Variants in SSR3 observed in about 807,000 individuals in gnomAD.
The protein encoded by SSR3 is translocon-associated protein subunit gamma.
SSR3 carries 10 observed loss-of-function variants against 22.1 expected under a neutral mutation model. That is an observed-to-expected ratio of 0.45 (90% confidence interval 0.28 to 0.77). The LOEUF (loss-of-function observed/expected upper bound fraction) is 0.77. Among genes scored for constraint, SSR3 ranks in the 30% least tolerant of loss-of-function variants. The pLI is 0.13. For missense variants in SSR3, 181 were observed against 220.5 expected, an observed-to-expected ratio of 0.82 and a Z score of 1.13; for synonymous variants, 104 against 82.5, an observed-to-expected ratio of 1.26 and a Z score of -1.42.
At chr3:156,553,828 T>G (rs985744514) in intron 1 of SSR3, 47 bp from the exon 2 acceptor site, 1 of 1,554,950 alleles carries the variant, frequency 6.4e-7, no homozygotes, top group South Asian at 1.2e-5. Flanking sequence ...AGCAAAACAT[T>G]ACAACCCCGC....
intron 2 of SSR3, among the ~76,000 whole-genome samples, chr3:156,550,599 CAACTAA>C (rs138494825): frequency 0.014 from 2,080 of 152,306 alleles, 52 homozygotes; most frequent in East Asian, 0.12. Flanking sequence ...AGCACTTAGT[CAACTAA>C]GATAACCCAT....
chr3:156,545,482 G>A (rs1719727532), intron 3 of SSR3, among the ~76,000 whole-genome samples: 2 of 152,206 alleles, frequency 1.3e-5, no homozygotes. Flanking sequence ...TCTGGAGTCA[G>A]ATGACACATC....
In SSR3 at chr3:156,543,164, A is replaced by G. The variant is rs1246121758; in HGVS notation, c.*39T>C. ...GCTACTTTTCCATATACCACAGGCCACCCATAGACACAAAGCCAGGGGGTG... is the reference window on the plus strand; with the variant it reads ...GCTACTTTTCCATATACCACAGGCCGCCCATAGACACAAAGCCAGGGGGTG... On this transcript the variant is annotated 3_prime_UTR_variant, in exon 5 of 5. Coordinates refer to ENST00000265044, the MANE Select transcript of SSR3 (RefSeq NM_007107.5). 5 of 1,592,178 alleles carry G rather than the reference A, an allele frequency of 3.1e-6. No homozygotes were observed. The Admixed American group carries it at 5.1e-5, about 16-fold the overall frequency.
intron 2 of SSR3, 108 bp downstream of exon 2, chr3:156,553,541 AATATAT>A: frequency 9.5e-7 from 1 of 1,057,534 alleles, no homozygotes; most frequent in South Asian, 2.0e-5. Context: ...AATGTTTATT[AATATAT>A]ATATCTCAAA....
chr3:156,548,518 T>G (rs1719840002), intron 3 of SSR3, among the ~76,000 whole-genome samples: 1 of 152,170 alleles, frequency 6.6e-6, no homozygotes, highest in African/African-American at 2.4e-5. Flanking sequence ...CCTCCTCAAT[T>G]CCAGCAGACA....
chr3:156,551,571 G>A (rs1283126674), intron 2 of SSR3: 1 of 152,212 alleles, frequency 6.6e-6, no homozygotes, highest in African/African-American at 2.4e-5. Flanking sequence ...CATCAGAACA[G>A]CAGCCACGAA....
chr3:156,544,390 A>C lies in SSR3; in HGVS notation c.409T>G (p.Ser137Ala), dbSNP rs149167845. The C allele has an allele frequency of 6.9e-5, 110 of 1,595,730 alleles. No individual in the cohort carries two copies. The highest frequency in any genetic ancestry group is 9.0e-5 in the Non-Finnish European group (106 of 1,171,308). Residue 137 changes from serine (S) to alanine (A), a missense_variant, in exon 4 of 5, where the codon TCC (serine) becomes GCC (alanine). Transcript: ENST00000265044. ...EVADYEATTF[S>A]IFYNNTLFLV... ...AACAGAGTGTTGTTATAGAAGATGG[A>C]AAATGTTGTAGCTTCATAATCAGCA...
At position 156,548,919 on chromosome 3, in the gene SSR3, C is replaced by A; in HGVS notation, c.345G>T (p.Lys115Asn). The part of the protein sequence containing the change: ...SEADNRKMSR[K>N]EKDERILWKK... ...AGGAGTCAAACCTTTCATCTTTCTCCTTCCGAGACATCTTTCTATTATCAG... is the reference window on the plus strand; with the variant it reads ...AGGAGTCAAACCTTTCATCTTTCTCATTCCGAGACATCTTTCTATTATCAG... Residue 115 changes from lysine (K) to asparagine (N), a missense_variant, in exon 3 of 5, where the codon AAG (lysine) becomes AAT (asparagine). Lys to Asn is a moderately conservative substitution (Grantham distance 94). Transcript: ENST00000265044. 1 of 1,613,482 alleles carries A rather than the reference C, an allele frequency of 6.2e-7. No homozygotes were observed. The highest frequency in any genetic ancestry group is 8.5e-7 in the Non-Finnish European group (1 of 1,179,856).
rs774231231 is a variant in SSR3, at chr3:156,544,371, G to C, written c.428C>G (p.Thr143Ser). 1 of 1,602,090 alleles carries C rather than the reference G, an allele frequency of 6.2e-7. No homozygotes were observed. Among genetic ancestry groups the C allele is most frequent in the Admixed American group, 1.7e-5 (1 of 58,772 alleles). Residue 143 changes from threonine to serine, a missense_variant, in exon 4 of 5, where the codon ACT becomes AGT. Thr to Ser is a moderately conservative substitution (Grantham distance 58). Transcript: ENST00000265044. The stretch of plus-strand genomic sequence containing the variant: ...AACAATGACCACGACCAGGAACAGA[G>C]TGTTGTTATAGAAGATGGAAAATGT... ...ATTFSIFYNN[T>S]LFLVVVIVAS...
At chr3:156,553,848 C>G (rs1437747690) in intron 1 of SSR3, 67 bp from the exon 2 acceptor site, 2 of 1,492,294 alleles carry the variant, frequency 1.3e-6, no homozygotes, top group Non-Finnish European at 1.8e-6. Context: ...CAACAAAAGC[C>G]TGCGAAATTA....
In SSR3 at chr3:156,540,342, A is replaced by C. The variant is rs1719397601; in HGVS notation, c.*2861T>G. On this transcript the variant is annotated 3_prime_UTR_variant, in exon 5 of 5. Transcript: ENST00000265044. ...CAATCTAGGCCGGGCGCGGTGGCTC[A>C]CGCCTGTAATTCCAGCACTTTGGGA... 6.6e-6 allele frequency: 1 copy of C among 152,002 alleles called. No homozygotes were observed. Among genetic ancestry groups the C allele is most frequent in the Non-Finnish European group, 1.5e-5 (1 of 68,056 alleles). The allele number at this position is 152,002 out of a possible 1,614,324, so 9.4% of individuals were successfully genotyped here. A position where few individuals can be genotyped will look rare whatever the true frequency, so the allele number is the denominator to read the frequency against.
At chr3:156,551,046 G>C (rs1258263863) in intron 2 of SSR3, among the ~76,000 whole-genome samples, 2 of 152,152 alleles carry the variant, frequency 1.3e-5, no homozygotes, top group Non-Finnish European at 2.9e-5. Flanking sequence ...CCCACACTCA[G>C]CATCTTGCTG....
At chr3:156,551,744 A>C (rs1348314638) in intron 2 of SSR3, among the ~76,000 whole-genome samples, 1 of 152,240 alleles carries the variant, frequency 6.6e-6, no homozygotes, top group Admixed American at 6.5e-5. Context: ...ACACAGGGAC[A>C]ATAAAGCAAA....
At chr3:156,551,852 T>G (rs1228124638) in intron 2 of SSR3, among the ~76,000 whole-genome samples, 4 of 151,976 alleles carry the variant, frequency 2.6e-5, no homozygotes, top group Non-Finnish European at 5.9e-5. Flanking sequence ...TAATCCTAAA[T>G]AGGGTAGGGC....
intron 3 of SSR3, among the ~76,000 whole-genome samples, chr3:156,545,359 CG>C (rs1559943690): frequency 1.3e-5 from 2 of 152,166 alleles, no homozygotes; most frequent in Admixed American, 1.3e-4. Flanking sequence ...CATGTGTCCA[CG>C]TGTGAGTTTA....
rs1577004468 is a variant in SSR3 at position 156,554,016 on chromosome 3, G to T, written c.134-235C>A. The T allele has an allele frequency of 1.4e-5, 5 of 346,282 alleles. No homozygotes were observed. In the East Asian group the frequency reaches 2.3e-4, roughly 16 times the overall value. 21.5% of individuals were successfully genotyped at this position (346,282 alleles called of 1,614,324 possible). On this transcript the variant is annotated intron_variant, in intron 1 of 4. Transcript: ENST00000265044. ...ACCTTCCTATTACTAGTCCAGATGA[G>T]ATTTCAACTTCTAAAATGAGAACAA... is the stretch of plus-strand genomic sequence containing the variant.
rs1465517368 is a variant in SSR3 at position 156,553,787 on chromosome 3, TTAAAA to T, written c.134-11_134-7del. ...CCATATTCGCCAGTATAACCCTGAATTAAAATAAAAGGGGGAAGGGTACAAAAAGA... is the reference window on the plus strand; with the variant it reads ...CCATATTCGCCAGTATAACCCTGAATTAAAAGGGGGAAGGGTACAAAAAGA... On this transcript the variant is annotated splice_region_variant and splice_polypyrimidine_tract_variant and intron_variant, in intron 1 of 4. Transcript: ENST00000265044. The T allele has an allele frequency of 1.3e-6, 2 of 1,586,120 alleles. No individual in the cohort carries two copies. The highest frequency in any genetic ancestry group is 4.5e-5 in the East Asian group (2 of 44,190).
chr3:156,544,817 C>G (rs187333315), intron 3 of SSR3, among the ~76,000 whole-genome samples: 103 of 152,252 alleles, frequency 6.8e-4, no homozygotes, highest in African/African-American at 2.4e-3. Flanking sequence ...TTGGCTATAC[C>G]TTGGGCTTGA....
rs1363698616 is a variant in SSR3 at position 156,539,988 on chromosome 3, T to C, written c.*3215A>G. 6.6e-6 allele frequency among the ~76,000 whole-genome samples: 1 copy of C among 152,182 alleles called. No homozygotes were observed. Among genetic ancestry groups the C allele is most frequent in the African/African-American group, 2.4e-5 (1 of 41,444 alleles). On this transcript the variant is annotated 3_prime_UTR_variant, in exon 5 of 5. Transcript: ENST00000265044. ...AATGATGGTTACATGTATACATATGTACCAAACCTGCATGGTCAGCACATG... is the reference window on the plus strand; with the variant it reads ...AATGATGGTTACATGTATACATATGCACCAAACCTGCATGGTCAGCACATG...
Sources: allele counts gnomAD v4.1 joint callset (sites outside exome capture counted in the v4.1 genomes callset), GRCh38; gene constraint gnomAD v4.1.1; transcripts MANE v1.5; gene names NCBI Gene and HGNC (gene_info 2026-07-23, HGNC 2026-07-21).